The following KCNT2 variants were observed in gnomAD, a reference collection of about 807,000 sequenced individuals.
KCNT2 encodes potassium sodium-activated channel subfamily T member 2.
KCNT2 carries 67 observed loss-of-function variants against 153.8 expected under a neutral mutation model. The observed-to-expected ratio is 0.44, with a 90% confidence interval of 0.36 to 0.53. KCNT2 has a LOEUF of 0.53. Ranked by LOEUF, KCNT2 falls within the 20% of genes least tolerant of loss-of-function variation. KCNT2 has a pLI of 0.00. For synonymous variants in KCNT2, 500 were observed against 458.8 expected (o/e 1.09, Z -1.15); for missense variants, 975 against 1,354.8 (o/e 0.72, Z 4.40).
In KCNT2 at chr1:196,340,589, A is replaced by G; in HGVS notation, c.1554-19T>C. ...GCCAAACCTTAATTTAAAAAAAAAG[A>G]GAGTTTGTAAGAAAATTAGTAAATT... On this transcript the variant is annotated intron_variant, in intron 15 of 27. Coordinates refer to ENST00000294725, the MANE Select transcript of KCNT2 (RefSeq NM_198503.5). 1 of 1,406,278 alleles carries G rather than the reference A, an allele frequency of 7.1e-7. No homozygotes were observed. The allele number at this position is 1,406,278 out of a possible 1,614,324, so 87.1% of individuals were successfully genotyped here.
At chr1:196,390,721 A>G (rs1051817760) in intron 13 of KCNT2, among the ~76,000 whole-genome samples, 8 of 151,308 alleles carry the variant, frequency 5.3e-5, no homozygotes, top group Non-Finnish European at 8.9e-5. Context: ...AATTTAATTC[A>G]CAATCACATG....
At chr1:196,312,645 A>G (rs1558131888) in intron 21 of KCNT2, among the ~76,000 whole-genome samples, 1 of 151,754 alleles carries the variant, frequency 6.6e-6, no homozygotes, top group African/African-American at 2.4e-5. Context: ...TGTTCACACA[A>G]CATTACTTCT....
chr1:196,299,627 C>A (rs532071294), intron 22 of KCNT2, among the ~76,000 whole-genome samples: 3 of 151,932 alleles, frequency 2.0e-5, no homozygotes, highest in Non-Finnish European at 4.4e-5. Flanking sequence ...TGCAGAGAAA[C>A]GGGAACGCTT....
intron 8 of KCNT2, among the ~76,000 whole-genome samples, chr1:196,464,881 G>A (rs1208563210): frequency 6.6e-6 from 1 of 152,000 alleles, no homozygotes; most frequent in Non-Finnish European, 1.5e-5. Flanking sequence ...ATCATGCACA[G>A]AAAGCAGAGG....
At chr1:196,410,760 G>C (rs1436609989) in intron 12 of KCNT2, among the ~76,000 whole-genome samples, 1 of 149,254 alleles carries the variant, frequency 6.7e-6, no homozygotes, top group African/African-American at 2.5e-5. Context: ...TTGTACCTTG[G>C]TGTTATAACC....
intron 17 of KCNT2, among the ~76,000 whole-genome samples, chr1:196,332,015 C>T (rs1423612493): frequency 1.3e-5 from 2 of 152,004 alleles, no homozygotes; most frequent in East Asian, 3.9e-4. Flanking sequence ...GAAAATTAGG[C>T]AATAAAATAA....
intron 13 of KCNT2, among the ~76,000 whole-genome samples, chr1:196,383,742 G>T (rs1023427793): frequency 4.6e-5 from 7 of 152,074 alleles, no homozygotes; most frequent in Non-Finnish European, 1.0e-4. Context: ...CGCATTCTAT[G>T]AAGACTAAAA....
At chr1:196,260,248 C>T (rs1033232603) in intron 25 of KCNT2, among the ~76,000 whole-genome samples, 2 of 151,690 alleles carry the variant, frequency 1.3e-5, no homozygotes, top group African/African-American at 4.8e-5. Flanking sequence ...ATACTATGTT[C>T]ATCTAATATC....
intron 1 of KCNT2, among the ~76,000 whole-genome samples, chr1:196,531,171 C>T (rs1022309945): frequency 1.3e-5 from 2 of 152,078 alleles, no homozygotes. Flanking sequence ...GCTTTGCCAT[C>T]TACAGCTTTG....
intron 1 of KCNT2, among the ~76,000 whole-genome samples, chr1:196,598,681 A>G (rs991372368): frequency 2.6e-5 from 4 of 152,194 alleles, no homozygotes; most frequent in South Asian, 2.1e-4. Flanking sequence ...AATAGGCATA[A>G]TAATTAGATT....
At chr1:196,490,793 T>C (rs1023727388) in intron 2 of KCNT2, among the ~76,000 whole-genome samples, 10 of 151,852 alleles carry the variant, frequency 6.6e-5, no homozygotes, top group African/African-American at 2.2e-4. Flanking sequence ...AGCATTATCT[T>C]TCCTGTAATT....
Position 196,226,331 on chromosome 1 carries a change from G to T in KCNT2, c.*1893C>A, listed in dbSNP as rs1653487924. ...ATAAAACAAGTTCATAAAATTTATT[G>T]TTTTTCTCTGTTACATATATTAGTT... On this transcript the variant is annotated 3_prime_UTR_variant, in exon 28 of 28. Coordinates refer to ENST00000294725, the MANE Select transcript of KCNT2 (RefSeq NM_198503.5). 1 of 151,820 alleles carries T rather than the reference G, an allele frequency of 6.6e-6. No individual in the cohort carries two copies. The highest frequency in any genetic ancestry group is 2.4e-5 in the African/African-American group (1 of 41,394). The allele number at this position is 151,820 out of a possible 1,614,324, so 9.4% of individuals were successfully genotyped here. A position where few individuals can be genotyped will look rare whatever the true frequency, so the allele number is the denominator to read the frequency against.
intron 14 of KCNT2, among the ~76,000 whole-genome samples, chr1:196,364,758 C>T (rs1194662410): frequency 6.6e-6 from 1 of 152,024 alleles, no homozygotes; most frequent in Non-Finnish European, 1.5e-5. Flanking sequence ...ATAAACTTAA[C>T]AGCTAATGTT....
intron 23 of KCNT2, among the ~76,000 whole-genome samples, chr1:196,283,770 T>A (rs955695269): frequency 1.6e-4 from 25 of 152,136 alleles, no homozygotes; most frequent in African/African-American, 5.3e-4. Flanking sequence ...AGCAATTTTT[T>A]AAAATGAAAT....
intron 14 of KCNT2, among the ~76,000 whole-genome samples, chr1:196,342,480 T>A (rs969779887): frequency 7.0e-6 from 1 of 142,740 alleles, no homozygotes; most frequent in South Asian, 2.1e-4. Context: ...GAAATGACAG[T>A]TTTGTAGAAA....
At chr1:196,520,612 G>A (rs1012809129) in intron 1 of KCNT2, among the ~76,000 whole-genome samples, 4 of 152,036 alleles carry the variant, frequency 2.6e-5, no homozygotes, top group African/African-American at 9.7e-5. Flanking sequence ...ACAGACCAAT[G>A]AAACATGGTA....
intron 17 of KCNT2, among the ~76,000 whole-genome samples, chr1:196,331,722 G>T (rs1039659780): frequency 3.3e-5 from 5 of 151,906 alleles, no homozygotes; most frequent in African/African-American, 1.2e-4. Flanking sequence ...CAGCTTAGAA[G>T]ATTTTCATTT....
chr1:196,466,302 A>G (rs959821139), intron 7 of KCNT2, among the ~76,000 whole-genome samples: 3 of 152,008 alleles, frequency 2.0e-5, no homozygotes, highest in African/African-American at 7.2e-5. Flanking sequence ...ACAGTATTTC[A>G]TCAGGGCAAT....
At chr1:196,574,167 T>C (rs1045189215) in intron 1 of KCNT2, among the ~76,000 whole-genome samples, 4 of 151,972 alleles carry the variant, frequency 2.6e-5, no homozygotes, top group Non-Finnish European at 5.9e-5. Context: ...TAATATCTAA[T>C]TTTTGGGTAG....
Sources: allele counts gnomAD v4.1 joint callset (sites outside exome capture counted in the v4.1 genomes callset), GRCh38; gene constraint gnomAD v4.1.1; transcripts MANE v1.5; gene names NCBI Gene and HGNC (gene_info 2026-07-23, HGNC 2026-07-21).